The following SPON2 variants were observed in gnomAD, a reference collection of about 807,000 sequenced individuals.
SPON2 encodes spondin-2.
In SPON2, 32 loss-of-function variants were observed where a neutral mutation model predicts 29.9. That is an observed-to-expected ratio of 1.07 (90% CI 0.81 to 1.44). The LOEUF (loss-of-function observed/expected upper bound fraction) is 1.44. Among genes scored for constraint, SPON2 ranks in the 40% most tolerant of loss-of-function variants. The pLI is 0.00. For synonymous variants in SPON2, 248 were observed against 209.1 expected, an observed-to-expected ratio of 1.19 and a Z score of -1.61; for missense variants, 541 against 455.5, an observed-to-expected ratio of 1.19 and a Z score of -1.71.
chr4:1,180,247 G>C (rs1727680530), intron 1 of SPON2, among the ~76,000 whole-genome samples: 1 of 152,188 alleles, frequency 6.6e-6, no homozygotes. Context: ...GGAGATGACT[G>C]GTTCTGGGCC....
In SPON2 at chr4:1,192,985, G is replaced by A. The variant is rs529106825; in HGVS notation, c.-239+2005C>T. Among the ~76,000 whole-genome samples, 13 of 152,284 alleles carry A rather than the reference G, an allele frequency of 8.5e-5. No homozygotes were observed. The South Asian group carries it at 2.7e-3, about 32-fold the overall frequency. On this transcript the variant is annotated intron_variant, in intron 1 of 3. Transcript: ENST00000502483. The stretch of plus-strand genomic sequence containing the variant: ...TGCCACCTCATCTGGCACAGGGTGG[G>A]GCATGGGATGGAGACATCTGAGTAC...
chr4:1,182,076 A>G (rs773831221), intron 1 of SPON2, among the ~76,000 whole-genome samples: 1 of 152,182 alleles, frequency 6.6e-6, no homozygotes, highest in African/African-American at 2.4e-5. Flanking sequence ...GAAAGCCTAC[A>G]ACAACAACAA....
chr4:1,206,834 C>T lies in SPON2; in HGVS notation c.-234+1046G>A, dbSNP rs181170370. Among the ~76,000 whole-genome samples, 439 of 151,924 alleles carry T rather than the reference C, an allele frequency of 2.9e-3. 2 individuals are homozygous for T. The highest frequency in any genetic ancestry group is 0.017 in the Middle Eastern group (5 of 292). ...GTGTAAAAGCAGATGGCTTTGACCACGAGTGCACAGGTGAGGGGCAGACAG... is the reference window on the plus strand; with the variant it reads ...GTGTAAAAGCAGATGGCTTTGACCATGAGTGCACAGGTGAGGGGCAGACAG... On this transcript the variant is annotated intron_variant, in intron 1 of 3. Transcript: ENST00000509233.
At chr4:1,200,545 G>T (rs1728173207) in intron 1 of SPON2, 2 of 327,906 alleles carry the variant, frequency 6.1e-6, no homozygotes, top group South Asian at 5.0e-5. Context: ...TATGGATCTG[G>T]CAGGGAACGT....
chr4:1,173,918 G>A (rs979090589), upstream of SPON2, among the ~76,000 whole-genome samples: 9 of 152,242 alleles, frequency 5.9e-5, no homozygotes. Flanking sequence ...AGGTCACTGA[G>A]GGCCAGGCGC....
chr4:1,171,724 T>G, intron 2 of SPON2, 128 bp downstream of exon 2: 1 of 818,042 alleles, frequency 1.2e-6, no homozygotes, highest in Non-Finnish European at 2.0e-6. Flanking sequence ...TCGGCAAACA[T>G]TCTGGTGTTA....
chr4:1,167,726 C>CGG, intron 5 of SPON2, 70 bp from the exon 6 acceptor site: 1 of 1,488,430 alleles, frequency 6.7e-7, no homozygotes, highest in African/African-American at 1.4e-5. Flanking sequence ...ACGGAAGCCA[C>CGG]CTCCCACCAA....
chr4:1,188,291 T>G (rs1198725570), intron 1 of SPON2, among the ~76,000 whole-genome samples: 3 of 147,946 alleles, frequency 2.0e-5, no homozygotes, highest in Admixed American at 6.7e-5. Flanking sequence ...GAAGGCCATA[T>G]GGAAACAGAG....
intron 1 of SPON2, among the ~76,000 whole-genome samples, chr4:1,207,403 G>A (rs577168284): frequency 6.6e-6 from 1 of 152,204 alleles, no homozygotes; most frequent in Non-Finnish European, 1.5e-5. Context: ...TGGATAGTGA[G>A]TGGCGAGCCC....
rs1312445227 is a variant in SPON2 at position 1,171,029 on chromosome 4, G to A, written c.606C>T (p.Phe202=). ...TCACCGTGTCCTGCGGGATGGTGGC[G>A]AAGTTGGGGGAGGAGAAGGTGAAGC... ...DSGFTFSSPN[F]ATIPQDTVTE... Residue 202 remains phenylalanine, a synonymous_variant, in exon 4 of 6, where the codon TTC becomes TTT. Transcript: ENST00000290902. 2 of 1,548,804 alleles carry A rather than the reference G, an allele frequency of 1.3e-6. No homozygotes were observed. The highest frequency in any genetic ancestry group is 1.7e-4 in the Middle Eastern group (1 of 5,970).
At chr4:1,197,304 T>G (rs1460439337), upstream of SPON2, among the ~76,000 whole-genome samples, 1 of 152,148 alleles carries the variant, frequency 6.6e-6, no homozygotes, top group Non-Finnish European at 1.5e-5. Context: ...CTCAAGGAAC[T>G]AAAAAGTAGA....
At chr4:1,196,550 G>A (rs1728074368), upstream of SPON2, among the ~76,000 whole-genome samples, 1 of 152,218 alleles carries the variant, frequency 6.6e-6, no homozygotes, top group South Asian at 2.1e-4. Flanking sequence ...GGCCACTGCA[G>A]TGACCAGGGT....
intron 1 of SPON2, among the ~76,000 whole-genome samples, chr4:1,205,646 A>G (rs1250102): frequency 0.82 from 124,714 of 152,190 alleles, 51,960 homozygotes; most frequent in East Asian, 0.95. Flanking sequence ...CAGCCTTGGG[A>G]AGGGTGGGGG....
intron 5 of SPON2, among the ~76,000 whole-genome samples, chr4:1,168,726 G>C (rs1447311117): frequency 6.6e-6 from 1 of 152,232 alleles, no homozygotes; most frequent in Admixed American, 6.5e-5. Flanking sequence ...AGGAGTCAGT[G>C]AGCACTGGCA....
Position 1,168,959 on chromosome 4 carries a change from G to A in SPON2, c.812-1303C>T, listed in dbSNP as rs564066851. Among the ~76,000 whole-genome samples, 41 of 152,292 alleles carry A rather than the reference G, an allele frequency of 2.7e-4. No homozygotes were observed. In the South Asian group the frequency reaches 5.8e-3, roughly 22 times the overall value. On this transcript the variant is annotated intron_variant, in intron 5 of 5. Coordinates refer to ENST00000290902, the MANE Select transcript of SPON2 (RefSeq NM_012445.4). ...AGTCACAGGAGAGACCCTTGTGGGC[G>A]GTGGTCTGTGCTCCGTCCCCACTGC...
intron 1 of SPON2, among the ~76,000 whole-genome samples, chr4:1,189,654 A>AAAAG (rs1553831564): frequency 4.7e-5 from 7 of 149,210 alleles, no homozygotes; most frequent in Non-Finnish European, 8.9e-5. Context: ...AAAAAAAAAA[A>AAAAG]AAAAGAAAGA....
At chr4:1,194,795 C>CG (rs1728005676) in intron 1 of SPON2, among the ~76,000 whole-genome samples, 1 of 152,022 alleles carries the variant, frequency 6.6e-6, no homozygotes, top group Non-Finnish European at 1.5e-5. Context: ...AAACACTCAG[C>CG]GGGGGCTGCC....
chr4:1,195,937 G>A (rs1033345116), upstream of SPON2, among the ~76,000 whole-genome samples: 7 of 152,224 alleles, frequency 4.6e-5, no homozygotes, highest in South Asian at 2.1e-4. Flanking sequence ...CTGGCCACGC[G>A]CCTTGTTGAG....
At chr4:1,192,366 G>A (rs1248345340) in intron 1 of SPON2, among the ~76,000 whole-genome samples, 4 of 152,246 alleles carry the variant, frequency 2.6e-5, no homozygotes, top group Admixed American at 1.3e-4. Context: ...GCCAAGGAAA[G>A]GGATTTGGAA....
Sources: gnomAD v4.1 joint callset for allele counts (sites outside exome capture counted in the v4.1 genomes callset) on GRCh38, gnomAD v4.1.1 for gene constraint, MANE v1.5 for transcripts, NCBI Gene and HGNC (gene_info 2026-07-23, HGNC 2026-07-21) for gene names.